Variants in NUP35 observed in about 807,000 individuals in gnomAD.
The protein encoded by NUP35 is nucleoporin NUP35.
A neutral mutation model predicts 41.5 loss-of-function variants in NUP35; 25 were observed. The ratio of observed to expected loss-of-function variants is 0.60; its 90% CI spans 0.44 to 0.84. The LOEUF (loss-of-function observed/expected upper bound fraction) is 0.84, where lower values mean the gene tolerates loss of function less well. Ranked by LOEUF, NUP35 falls within the 40% of genes least tolerant of loss-of-function variation. The probability of loss-of-function intolerance (pLI) is 0.00; values close to 1 mark genes in which losing one functional copy is unlikely to be tolerated. For synonymous variants in NUP35, 149 were observed against 130.7 expected (o/e 1.14, Z -0.96); for missense variants, 396 against 396.6 (o/e 1.00, Z 0.01).
chr2:183,119,690 G>T (rs1214763502), upstream of NUP35, among the ~76,000 whole-genome samples: 1 of 152,054 alleles, frequency 6.6e-6, no homozygotes, highest in Admixed American at 6.5e-5. Flanking sequence ...TCTTTTTGGA[G>T]GGGGGTGGGC....
chr2:183,130,316 C>T, intron 2 of NUP35, 102 bp from the exon 3 acceptor site: 1 of 1,239,694 alleles, frequency 8.1e-7, no homozygotes, highest in South Asian at 1.6e-5. Context: ...TTGAAAAGAA[C>T]TAACAGACAA....
chr2:183,130,367 C>G, intron 2 of NUP35, 51 bp from the exon 3 acceptor site: 11 of 1,491,532 alleles, frequency 7.4e-6, no homozygotes, highest in Non-Finnish European at 8.9e-6. Flanking sequence ...TTTAAAAAAT[C>G]TTACCAAAAA....
chr2:183,159,100 A>T (rs1055921107), intron 7 of NUP35, among the ~76,000 whole-genome samples: 6 of 152,320 alleles, frequency 3.9e-5, no homozygotes, highest in African/African-American at 1.4e-4. Context: ...ACTGTGCTGT[A>T]ACAAATGTTT....
chr2:183,143,528 A>T (rs538467937), intron 4 of NUP35, among the ~76,000 whole-genome samples: 1 of 152,146 alleles, frequency 6.6e-6, no homozygotes, highest in Admixed American at 6.5e-5. Flanking sequence ...CTCCTTTTCA[A>T]TGTGCAGATT....
intron 3 of NUP35, chr2:183,130,939 G>A: frequency 8.7e-7 from 1 of 1,147,966 alleles, no homozygotes; most frequent in Non-Finnish European, 1.1e-6. Flanking sequence ...CTAGATCTAG[G>A]GCACTCGTCA....
intron 3 of NUP35, among the ~76,000 whole-genome samples, chr2:183,133,323 CTT>C (rs33994337): frequency 0.31 from 43,397 of 141,722 alleles, 7,332 homozygotes; most frequent in African/African-American, 0.47. Flanking sequence ...AGAAGATAGT[CTT>C]TTTTTTTTTT....
intron 1 of NUP35, among the ~76,000 whole-genome samples, chr2:183,127,184 CTA>C (rs1684521754): frequency 6.6e-6 from 1 of 152,062 alleles, no homozygotes; most frequent in African/African-American, 2.4e-5. Flanking sequence ...AATATCTACT[CTA>C]TAGATTGTGA....
chr2:183,159,726 A>G lies in NUP35; in HGVS notation c.903+74A>G, dbSNP rs958607143. On this transcript the variant is annotated intron_variant, in intron 8 of 8. Transcript: ENST00000295119. ...ATAGCATGCTTAACTTTTTCATTGT[A>G]TTGATTTGTATGCCATTAAATGTTT... The G allele has an allele frequency of 2.7e-5, 31 of 1,149,656 alleles. 1 individual carries two copies. The highest frequency in any genetic ancestry group is 3.2e-5 in the Non-Finnish European group (25 of 785,946). 71.2% of individuals were successfully genotyped at this position (1,149,656 alleles called of 1,614,324 possible).
intron 4 of NUP35, among the ~76,000 whole-genome samples, chr2:183,142,788 TTTTTA>T (rs1685143359): frequency 2.6e-5 from 4 of 151,822 alleles, no homozygotes. Context: ...CCATCTCAGT[TTTTTA>T]TTTTCTCTGT....
upstream of NUP35, among the ~76,000 whole-genome samples, chr2:183,119,471 A>G (rs982484000): frequency 2.0e-5 from 3 of 152,162 alleles, no homozygotes; most frequent in Non-Finnish European, 4.4e-5. Context: ...GCAGGTTTAC[A>G]TGACAGAAAG....
intron 7 of NUP35, among the ~76,000 whole-genome samples, chr2:183,158,876 T>C (rs972874350): frequency 3.2e-4 from 48 of 152,270 alleles, no homozygotes; most frequent in African/African-American, 1.2e-3. Flanking sequence ...TATTTTAAAA[T>C]TATTCTATAT....
At chr2:183,146,161 A>C (rs1440139532) in intron 4 of NUP35, among the ~76,000 whole-genome samples, 2 of 152,142 alleles carry the variant, frequency 1.3e-5, no homozygotes, top group Non-Finnish European at 2.9e-5. Context: ...GCTTGAACCC[A>C]GGAGGCGGAG....
chr2:183,132,647 C>G (rs983770541), intron 3 of NUP35, among the ~76,000 whole-genome samples: 1 of 152,184 alleles, frequency 6.6e-6, no homozygotes, highest in African/African-American at 2.4e-5. Flanking sequence ...TATTACTTCT[C>G]TGATGATACA....
rs768300087 is a variant in NUP35, at chr2:183,157,485, C to T, written c.581C>T (p.Ala194Val). 5 of 1,612,128 alleles carry T rather than the reference C, an allele frequency of 3.1e-6. No individual in the cohort carries two copies. The African/African-American group carries it at 4.0e-5, about 13-fold the overall frequency. Residue 194 changes from alanine (A) to valine (V), a missense_variant, in exon 6 of 9, where the codon GCA becomes GTA. Transcript: ENST00000295119. ...GCTTCCTACATATTACTACAATTTG[C>T]ACAGTATGGGAATATCTTAAAACAT... ...ASASYILLQF[A>V]QYGNILKHVM...
intron 4 of NUP35, among the ~76,000 whole-genome samples, chr2:183,135,496 C>A (rs931956706): frequency 1.3e-5 from 2 of 152,026 alleles, no homozygotes; most frequent in African/African-American, 2.4e-5. Context: ...TTGGTCTTTA[C>A]CCAGAAAAGG....
At chr2:183,148,084 G>T (rs552693920) in intron 4 of NUP35, among the ~76,000 whole-genome samples, 1 of 152,234 alleles carries the variant, frequency 6.6e-6, no homozygotes, top group East Asian at 1.9e-4. Flanking sequence ...TGCCTGGGTT[G>T]TTTCACTGAA....
At chr2:183,146,419 A>G (rs965539654) in intron 4 of NUP35, among the ~76,000 whole-genome samples, 8 of 152,150 alleles carry the variant, frequency 5.3e-5, no homozygotes, top group African/African-American at 1.9e-4. Context: ...TGAAGAATAT[A>G]TTTTATCCAG....
At chr2:183,138,267 A>AT (rs1314190972) in intron 4 of NUP35, among the ~76,000 whole-genome samples, 45 of 74,030 alleles carry the variant, frequency 6.1e-4, no homozygotes, top group African/African-American at 3.2e-3. Context: ...ATATATATAT[A>AT]TATTTTTTTT....
chr2:183,149,041 T>C (rs1233293007), intron 4 of NUP35, among the ~76,000 whole-genome samples: 1 of 152,210 alleles, frequency 6.6e-6, no homozygotes, highest in African/African-American at 2.4e-5. Context: ...ATAAACACTT[T>C]GGAATGAGTT....
Sources: gnomAD v4.1 joint callset for allele counts (sites outside exome capture counted in the v4.1 genomes callset) on GRCh38, gnomAD v4.1.1 for gene constraint, MANE v1.5 for transcripts, NCBI Gene and HGNC (gene_info 2026-07-23, HGNC 2026-07-21) for gene names.